The following MAPRE2 variants were observed in gnomAD, a reference collection of about 807,000 sequenced individuals.
MAPRE2 encodes the protein microtubule-associated protein RP/EB family member 2.
A neutral mutation model predicts 43.2 loss-of-function variants in MAPRE2; 13 were observed. The observed-to-expected ratio is 0.30, with a 90% CI of 0.20 to 0.48. MAPRE2 has a LOEUF of 0.48. Among genes scored for constraint, MAPRE2 ranks in the 20% least tolerant of loss-of-function variants. The pLI is 0.99. For missense variants in MAPRE2, 161 were observed against 400.2 expected (o/e 0.40, Z 5.10); for synonymous variants, 135 against 148.8 (o/e 0.91, Z 0.68).
intron 2 of MAPRE2, among the ~76,000 whole-genome samples, chr18:35,079,972 T>A (rs1386119017): frequency 6.6e-6 from 1 of 152,214 alleles, no homozygotes; most frequent in African/African-American, 2.4e-5. Context: ...AGAGGGACAG[T>A]AATACTTCAA....
intron 1 of MAPRE2, among the ~76,000 whole-genome samples, chr18:34,980,925 TA>T (rs755012365): frequency 1.6e-4 from 25 of 152,108 alleles, no homozygotes; most frequent in Non-Finnish European, 3.1e-4. Flanking sequence ...GCCACCATAT[TA>T]AAAGTAAGAA....
chr18:35,120,022 C>T (rs919373636), intron 4 of MAPRE2, among the ~76,000 whole-genome samples: 4 of 152,168 alleles, frequency 2.6e-5, no homozygotes, highest in African/African-American at 9.7e-5. Context: ...TGTACCCCTC[C>T]CAACTCTGAG....
intron 3 of MAPRE2, among the ~76,000 whole-genome samples, chr18:35,098,901 G>C (rs759892024): frequency 5.3e-4 from 80 of 152,212 alleles, no homozygotes; most frequent in African/African-American, 1.8e-3. Context: ...GACTGGCCAT[G>C]ATGGCCTTTG....
intron 1 of MAPRE2, among the ~76,000 whole-genome samples, chr18:34,997,202 C>G (rs931202157): frequency 1.3e-5 from 2 of 152,144 alleles, no homozygotes; most frequent in Non-Finnish European, 1.5e-5. Flanking sequence ...TGGATTACAG[C>G]ATAAACTCTC....
intron 2 of MAPRE2, among the ~76,000 whole-genome samples, chr18:35,027,971 C>G (rs557794413): frequency 1.3e-5 from 2 of 152,316 alleles, no homozygotes; most frequent in Admixed American, 1.3e-4. Flanking sequence ...TGGTACTTCC[C>G]CCAGAGTAGC....
chr18:35,046,437 G>C (rs1343245245), intron 1 of MAPRE2, among the ~76,000 whole-genome samples: 4 of 152,204 alleles, frequency 2.6e-5, no homozygotes, highest in African/African-American at 9.6e-5. Flanking sequence ...AAGACACTGA[G>C]AGAAACCAGA....
intron 2 of MAPRE2, among the ~76,000 whole-genome samples, chr18:35,007,386 G>C (rs1192846856): frequency 6.6e-6 from 1 of 152,180 alleles, no homozygotes; most frequent in Non-Finnish European, 1.5e-5. Context: ...TCTAAATAGG[G>C]TGTTGCTTTC....
chr18:35,109,668 A>G (rs1275508170), intron 4 of MAPRE2, among the ~76,000 whole-genome samples: 1 of 152,060 alleles, frequency 6.6e-6, no homozygotes, highest in African/African-American at 2.4e-5. Context: ...TTACTGTTGC[A>G]TGGCATCATC....
At chr18:35,018,622 C>A (rs1246249517) in intron 2 of MAPRE2, among the ~76,000 whole-genome samples, 1 of 151,810 alleles carries the variant, frequency 6.6e-6, no homozygotes, top group East Asian at 1.9e-4. Context: ...TAGAGATGTT[C>A]ATAATAGCCT....
intron 5 of MAPRE2, 75 bp from the exon 6 acceptor site, chr18:35,131,957 A>T (rs1910170398): frequency 1.4e-6 from 2 of 1,427,678 alleles, no homozygotes; most frequent in African/African-American, 2.9e-5. Context: ...TTTGGGTTTT[A>T]TTCACAGGAA....
chr18:35,004,283 A>G (rs1035060886), intron 1 of MAPRE2, among the ~76,000 whole-genome samples: 19 of 152,330 alleles, frequency 1.2e-4, no homozygotes, highest in Non-Finnish European at 1.3e-4. Flanking sequence ...TCTATCACAA[A>G]TATTTTATTT....
At chr18:35,109,154 A>AG (rs2144196953) in intron 4 of MAPRE2, among the ~76,000 whole-genome samples, 1 of 152,314 alleles carries the variant, frequency 6.6e-6, no homozygotes, top group South Asian at 2.1e-4. Flanking sequence ...GGTGTAAGGA[A>AG]GGGGTTCAGT....
intron 2 of MAPRE2, among the ~76,000 whole-genome samples, chr18:35,020,304 C>A (rs533476277): frequency 1.4e-4 from 21 of 152,206 alleles, no homozygotes; most frequent in African/African-American, 4.8e-4. Context: ...GACTCTAAAT[C>A]CTACTTTGGA....
At chr18:35,045,884 G>T (rs952069074) in intron 1 of MAPRE2, among the ~76,000 whole-genome samples, 1 of 152,184 alleles carries the variant, frequency 6.6e-6, no homozygotes. Context: ...ATTACTTGAT[G>T]CTTTAGTACA....
intron 1 of MAPRE2, among the ~76,000 whole-genome samples, chr18:34,990,373 A>G (rs2097023148): frequency 6.6e-6 from 1 of 152,142 alleles, no homozygotes; most frequent in African/African-American, 2.4e-5. Context: ...AGGTTTTGGT[A>G]AGGGTTTAGA....
At chr18:35,060,933 A>G (rs769777898) in intron 1 of MAPRE2, among the ~76,000 whole-genome samples, 8 of 152,110 alleles carry the variant, frequency 5.3e-5, no homozygotes, top group South Asian at 2.1e-4. Flanking sequence ...TTTTTTTCTT[A>G]AAACATATGT....
chr18:35,106,416 A>T (rs2144190634), intron 4 of MAPRE2, among the ~76,000 whole-genome samples: 1 of 152,246 alleles, frequency 6.6e-6, no homozygotes, highest in Middle Eastern at 3.4e-3. Context: ...ATTTTGTATG[A>T]CAGAGGGACC....
chr18:35,114,827 A>G (rs1042936482), intron 4 of MAPRE2, among the ~76,000 whole-genome samples: 5 of 152,148 alleles, frequency 3.3e-5, no homozygotes, highest in African/African-American at 9.7e-5. Context: ...TATTAATTCT[A>G]TAACTAAACC....
At chr18:34,984,648 T>C (rs2097018087) in intron 1 of MAPRE2, among the ~76,000 whole-genome samples, 1 of 150,596 alleles carries the variant, frequency 6.6e-6, no homozygotes, top group South Asian at 2.1e-4. Context: ...TGGAGATTGA[T>C]GTATAACTCC....
Sources: gnomAD v4.1 joint callset for allele counts (sites outside exome capture counted in the v4.1 genomes callset) on GRCh38, gnomAD v4.1.1 for gene constraint, MANE v1.5 for transcripts, NCBI Gene and HGNC (gene_info 2026-07-23, HGNC 2026-07-21) for gene names.